SUPT3H: variants seen among roughly 807,000 people sequenced by gnomAD.
SUPT3H encodes transcription initiation protein SPT3 homolog.
SUPT3H carries 44 observed loss-of-function variants against 44.3 expected under a neutral mutation model. The observed-to-expected ratio is 0.99, with a 90% confidence interval of 0.78 to 1.28. SUPT3H has a LOEUF of 1.28. Ranked by LOEUF, SUPT3H falls within the 50% of genes most tolerant of loss-of-function variation. SUPT3H has a pLI of 0.00. For missense variants in SUPT3H, 380 were observed against 387.1 expected (o/e 0.98, Z 0.15); for synonymous variants, 124 against 125.6 (o/e 0.99, Z 0.09).
chr6:45,173,017 A>C (rs1811083599), intron 2 of SUPT3H, among the ~76,000 whole-genome samples: 2 of 152,366 alleles, frequency 1.3e-5, no homozygotes, highest in South Asian at 4.1e-4. Flanking sequence ...ATGTGATGAA[A>C]TAAAGACGCA....
chr6:45,103,441 A>G (rs1158903582), intron 3 of SUPT3H, among the ~76,000 whole-genome samples: 3 of 152,204 alleles, frequency 2.0e-5, no homozygotes, highest in Non-Finnish European at 4.4e-5. Flanking sequence ...AAAAGTATGT[A>G]TCCATAATTC....
At chr6:44,821,882 A>G (rs1440169705), downstream of SUPT3H, among the ~76,000 whole-genome samples, 1 of 152,196 alleles carries the variant, frequency 6.6e-6, no homozygotes, top group Non-Finnish European at 1.5e-5. Context: ...ATTACCTTTT[A>G]TTGAGCTTGA....
intron 2 of SUPT3H, among the ~76,000 whole-genome samples, chr6:45,164,679 T>C (rs995977253): frequency 2.6e-5 from 4 of 152,182 alleles, no homozygotes; most frequent in Admixed American, 6.6e-5. Flanking sequence ...CAACCATGTA[T>C]ACCAGAAAGT....
intron 2 of SUPT3H, among the ~76,000 whole-genome samples, chr6:45,135,136 G>A (rs977762827): frequency 3.9e-5 from 6 of 152,310 alleles, no homozygotes; most frequent in South Asian, 2.1e-4. Flanking sequence ...GATGAGTAGA[G>A]TGCCAAGGCA....
intron 2 of SUPT3H, among the ~76,000 whole-genome samples, chr6:45,122,706 G>T (rs994492147): frequency 1.3e-5 from 2 of 152,092 alleles, no homozygotes; most frequent in Non-Finnish European, 2.9e-5. Flanking sequence ...AATTTTGGGA[G>T]TATTGTTGAA....
chr6:45,376,610 G>A (rs1796811372), intron 1 of SUPT3H, among the ~76,000 whole-genome samples: 1 of 152,132 alleles, frequency 6.6e-6, no homozygotes, highest in South Asian at 2.1e-4. Flanking sequence ...GGCATACTTC[G>A]CTCCAACGTC....
chr6:45,083,945 G>C (rs893829766), intron 3 of SUPT3H, among the ~76,000 whole-genome samples: 1 of 152,172 alleles, frequency 6.6e-6, no homozygotes, highest in African/African-American at 2.4e-5. Flanking sequence ...GCACCATGCA[G>C]AAGAATGAAA....
At chr6:45,202,436 A>T (rs1453373635) in intron 2 of SUPT3H, among the ~76,000 whole-genome samples, 2 of 152,062 alleles carry the variant, frequency 1.3e-5, no homozygotes, top group African/African-American at 4.8e-5. Context: ...GTTAAAGTCA[A>T]AACTACTGCA....
At chr6:45,131,898 A>AT (rs1803523598) in intron 2 of SUPT3H, among the ~76,000 whole-genome samples, 1 of 152,162 alleles carries the variant, frequency 6.6e-6, no homozygotes, top group African/African-American at 2.4e-5. Flanking sequence ...ACGTTTTGAG[A>AT]TCCCCCACAC....
chr6:45,353,743 A>G (rs1487749817), intron 2 of SUPT3H, among the ~76,000 whole-genome samples: 1 of 152,116 alleles, frequency 6.6e-6, no homozygotes, highest in Non-Finnish European at 1.5e-5. Flanking sequence ...AATAAGATAT[A>G]TAAGACTGAT....
intron 2 of SUPT3H, among the ~76,000 whole-genome samples, chr6:45,202,471 T>G (rs777239512): frequency 3.0e-4 from 45 of 152,200 alleles, no homozygotes; most frequent in Non-Finnish European, 5.6e-4. Flanking sequence ...TTACTTTTTA[T>G]ATAACAGTAT....
intron 3 of SUPT3H, among the ~76,000 whole-genome samples, chr6:45,045,460 T>C (rs1789238820): frequency 6.6e-6 from 1 of 152,196 alleles, no homozygotes. Flanking sequence ...TATCTATTGT[T>C]GGTGTATAGG....
intron 2 of SUPT3H, among the ~76,000 whole-genome samples, chr6:45,169,817 G>T (rs1810489756): frequency 6.6e-6 from 1 of 152,148 alleles, no homozygotes; most frequent in Non-Finnish European, 1.5e-5. Context: ...TGATTTCAAG[G>T]ACAATAGTCA....
At chr6:44,932,821 G>C in intron 9 of SUPT3H, 58 bp from the exon 10 acceptor site, 1 of 1,158,954 alleles carries the variant, frequency 8.6e-7, no homozygotes, top group Non-Finnish European at 1.2e-6. Context: ...CAGAACTACA[G>C]TGTATAAATA....
At chr6:45,155,632 T>C (rs1807693396) in intron 2 of SUPT3H, among the ~76,000 whole-genome samples, 1 of 152,082 alleles carries the variant, frequency 6.6e-6, no homozygotes, top group South Asian at 2.1e-4. Flanking sequence ...TGTACAAAGA[T>C]AAGCAAAAGC....
intron 2 of SUPT3H, among the ~76,000 whole-genome samples, chr6:45,279,506 C>T (rs556783860): frequency 6.6e-5 from 10 of 152,160 alleles, no homozygotes; most frequent in Admixed American, 1.3e-4. Context: ...CTGCCAAGAT[C>T]TGATTTTTTA....
At chr6:44,964,896 A>T (rs1776569176) in intron 6 of SUPT3H, among the ~76,000 whole-genome samples, 1 of 152,202 alleles carries the variant, frequency 6.6e-6, no homozygotes, top group Non-Finnish European at 1.5e-5. Flanking sequence ...TTCAAAGGGA[A>T]TTGAGGCTCA....
At chr6:45,138,175 G>C (rs1183472558) in intron 2 of SUPT3H, among the ~76,000 whole-genome samples, 1 of 152,020 alleles carries the variant, frequency 6.6e-6, no homozygotes, top group Non-Finnish European at 1.5e-5. Context: ...TACCAACTAG[G>C]ATGACAATAA....
intron 6 of SUPT3H, among the ~76,000 whole-genome samples, chr6:44,965,524 T>G (rs1006086153): frequency 1.3e-5 from 2 of 152,172 alleles, no homozygotes; most frequent in African/African-American, 4.8e-5. Flanking sequence ...GATTTGAGGA[T>G]GATGAAGATG....
Sources: gnomAD v4.1 joint callset for allele counts (sites outside exome capture counted in the v4.1 genomes callset) on GRCh38, gnomAD v4.1.1 for gene constraint, MANE v1.5 for transcripts, NCBI Gene and HGNC (gene_info 2026-07-23, HGNC 2026-07-21) for gene names.